The following CHD6 variants were observed in gnomAD, a reference collection of about 807,000 sequenced individuals.
CHD6 encodes ATP-dependent chromatin remodeler CHD6.
A neutral mutation model predicts 276.9 loss-of-function variants in CHD6; 50 were observed. The observed-to-expected ratio is 0.18, with a 90% CI of 0.14 to 0.23. The LOEUF (loss-of-function observed/expected upper bound fraction) is 0.23. CHD6 is among the 10% of genes least tolerant of loss of function. CHD6 has a pLI of 1.00. For missense variants in CHD6, 2,564 were observed against 3,365.8 expected (o/e 0.76, Z 5.89); for synonymous variants, 1,173 against 1,229.3 (o/e 0.95, Z 0.96).
intron 1 of CHD6, among the ~76,000 whole-genome samples, chr20:41,584,448 A>G (rs989721585): frequency 1.3e-5 from 2 of 152,190 alleles, no homozygotes; most frequent in Non-Finnish European, 2.9e-5. Context: ...TCTATCTAGA[A>G]GATACCAATA....
At chr20:41,584,194 G>A (rs1169542721) in intron 1 of CHD6, among the ~76,000 whole-genome samples, 2 of 151,900 alleles carry the variant, frequency 1.3e-5, no homozygotes, top group Admixed American at 1.3e-4. Flanking sequence ...AGCTAGAGAG[G>A]TTACATAAAT....
At chr20:41,461,005 CTGAA>C in intron 17 of CHD6, among the ~76,000 whole-genome samples, 1 of 152,336 alleles carries the variant, frequency 6.6e-6, no homozygotes, top group South Asian at 2.1e-4. Flanking sequence ...TCAGCATGAC[CTGAA>C]TGAGAGACCT....
Position 41,404,511 on chromosome 20 carries a change from T to C in CHD6, c.*82A>G, listed in dbSNP as rs1039534619. On this transcript the variant is annotated 3_prime_UTR_variant, in exon 37 of 37. Transcript: ENST00000373233. ...TTACTTATGGAAACACAGGTTCTTATGGAGGTGAAGTGAGGGAAGTAACAA... is the reference window on the plus strand; with the variant it reads ...TTACTTATGGAAACACAGGTTCTTACGGAGGTGAAGTGAGGGAAGTAACAA... The C allele has an allele frequency of 1.3e-5, 19 of 1,429,150 alleles. No individual in the cohort carries two copies. Among genetic ancestry groups the C allele is most frequent in the African/African-American group, 1.3e-4 (9 of 70,684 alleles). 88.5% of individuals were successfully genotyped at this position (1,429,150 alleles called of 1,614,324 possible).
chr20:41,440,163 T>C lies in CHD6; in HGVS notation c.3878-34A>G, dbSNP rs757388658. On this transcript the variant is annotated intron_variant, in intron 25 of 36. Coordinates refer to ENST00000373233, the MANE Select transcript of CHD6 (RefSeq NM_032221.5). ...GAGTGGTGAGAAATGCCAGAAGTCA[T>C]GTTAGAACTCACAATATTTGCTTTG... 8.9e-5 allele frequency: 143 copies of C among 1,599,062 alleles called. 2 individuals are homozygous for C. In the South Asian group the frequency reaches 1.2e-3, roughly 14 times the overall value.
In CHD6 at chr20:41,483,292, T is replaced by C; in HGVS notation, c.2468+17A>G. ...ACTGTCCCATTGTTGAATGCAGAGCTTTGACACAAGTCTCACCTTCTCTGG... is the reference window on the plus strand; with the variant it reads ...ACTGTCCCATTGTTGAATGCAGAGCCTTGACACAAGTCTCACCTTCTCTGG... On this transcript the variant is annotated intron_variant, in intron 16 of 36. Coordinates refer to ENST00000373233, the MANE Select transcript of CHD6 (RefSeq NM_032221.5). The C allele has an allele frequency of 6.3e-7, 1 of 1,596,342 alleles. No homozygotes were observed. The highest frequency in any genetic ancestry group is 8.5e-7 in the Non-Finnish European group (1 of 1,172,140).
intron 5 of CHD6, among the ~76,000 whole-genome samples, chr20:41,510,462 C>T (rs771327896): frequency 1.3e-5 from 2 of 152,238 alleles, no homozygotes; most frequent in African/African-American, 4.8e-5. Flanking sequence ...GCCAGCCCCA[C>T]ATGGTCGCTT....
chr20:41,425,295 C>T lies in CHD6; in HGVS notation c.4229G>A (p.Arg1410His), dbSNP rs764299402. The T allele has an allele frequency of 6.2e-6, 10 of 1,614,144 alleles. No individual in the cohort carries two copies. In the East Asian group the frequency reaches 6.7e-5, roughly 11 times the overall value. Reference sequence around the variant, plus strand: ...AATTTCAGGCCGGCACAGTTCCTTGCGGTTGCAGCGCTGGTAAACAGTGAC... The same window carrying T: ...AATTTCAGGCCGGCACAGTTCCTTGTGGTTGCAGCGCTGGTAAACAGTGAC... Reference protein sequence around the residue: ...RLVTVYQRCNRKELCRPEILG... With the variant: ...RLVTVYQRCNHKELCRPEILG... The change falls in exon 29 of 37, where the codon CGC (arginine) becomes CAC (histidine). Residue 1410 changes from arginine (R) to histidine (H), a missense_variant. This residue lies in a region of CHD6 where 515 missense variants were observed against 739.5 expected (regional missense o/e 0.70). Transcript: ENST00000373233.
At chr20:41,540,479 A>G (rs935878349) in intron 2 of CHD6, among the ~76,000 whole-genome samples, 1 of 152,256 alleles carries the variant, frequency 6.6e-6, no homozygotes, top group Admixed American at 6.5e-5. Context: ...TTCTATAATA[A>G]GCGGGAAAAA....
intron 23 of CHD6, among the ~76,000 whole-genome samples, chr20:41,450,621 T>C (rs1386145433): frequency 6.6e-6 from 1 of 152,110 alleles, no homozygotes; most frequent in Non-Finnish European, 1.5e-5. Context: ...AAGGCCACAA[T>C]GTTCTGCCCT....
chr20:41,531,628 T>C (rs2044687569), intron 3 of CHD6, among the ~76,000 whole-genome samples: 2 of 152,192 alleles, frequency 1.3e-5, no homozygotes, highest in Admixed American at 1.3e-4. Flanking sequence ...GCATTTTCTG[T>C]AACCTACATT....
chr20:41,472,176 G>C (rs1242817764), intron 17 of CHD6, among the ~76,000 whole-genome samples: 2 of 151,858 alleles, frequency 1.3e-5, no homozygotes, highest in Non-Finnish European at 2.9e-5. Flanking sequence ...GGCAGGCAGA[G>C]GTTGCAGTGA....
chr20:41,454,106 C>T (rs899211753), intron 20 of CHD6, among the ~76,000 whole-genome samples: 3 of 152,222 alleles, frequency 2.0e-5, no homozygotes, highest in Non-Finnish European at 4.4e-5. Context: ...GCCTGACCAC[C>T]TCCTCTTCTA....
Position 41,420,703 on chromosome 20 carries a change from C to G in CHD6, c.5932G>C (p.Glu1978Gln). The G allele has an allele frequency of 6.2e-7, 1 of 1,614,230 alleles. No homozygotes were observed. Among genetic ancestry groups the G allele is most frequent in the Non-Finnish European group, 8.5e-7 (1 of 1,180,036 alleles). Residue 1978 changes from glutamate (E) to glutamine (Q), a missense_variant, in exon 31 of 37, where the codon GAG becomes CAG. Glu to Gln is a conservative substitution (Grantham distance 29, BLOSUM62 2). This residue lies in a region of CHD6 where 1,024 missense variants were observed against 1,047.9 expected (regional missense o/e 0.98). Coordinates refer to ENST00000373233, the MANE Select transcript of CHD6 (RefSeq NM_032221.5). ...FKSKTNTIAMEGEPTAIPSQP... is the reference protein window; with the variant it reads ...FKSKTNTIAMQGEPTAIPSQP... ...GATGGAATAGCAGTGGGTTCACCCTCCATGGCGATAGTATTGGTTTTACTT... is the reference window on the plus strand; with the variant it reads ...GATGGAATAGCAGTGGGTTCACCCTGCATGGCGATAGTATTGGTTTTACTT...
rs2047194007 is a variant in CHD6, at chr20:41,421,564, A to C, written c.5071T>G (p.Ser1691Ala). 3.7e-6 allele frequency: 6 copies of C among 1,613,520 alleles called. No individual in the cohort carries two copies. Among genetic ancestry groups the C allele is most frequent in the Non-Finnish European group, 3.4e-6 (4 of 1,179,718 alleles). Residue 1691 changes from serine (S) to alanine (A), a missense_variant, in exon 31 of 37, where the codon TCC becomes GCC. By Grantham distance (99) the Ser-to-Ala change is moderately conservative. This residue lies in a region of CHD6 where 1,024 missense variants were observed against 1,047.9 expected (regional missense o/e 0.98). Transcript: ENST00000373233. Reference sequence around the variant, plus strand: ...AGCAGACTTTCATCATGGTTGATGGAAATGACATCCTGAACTTTAGAAATA... The same window carrying C: ...AGCAGACTTTCATCATGGTTGATGGCAATGACATCCTGAACTTTAGAAATA... ...NFISKVQDVI[S>A]INHDESLLPE...
chr20:41,519,631 G>C (rs993614058), intron 3 of CHD6, among the ~76,000 whole-genome samples: 1 of 152,148 alleles, frequency 6.6e-6, no homozygotes, highest in Non-Finnish European at 1.5e-5. Context: ...TATGTAGAAA[G>C]CTGAAACTGG....
intron 1 of CHD6, among the ~76,000 whole-genome samples, chr20:41,617,150 G>A (rs983347021): frequency 6.6e-6 from 1 of 152,136 alleles, no homozygotes; most frequent in Admixed American, 6.5e-5. Context: ...CAGCAGAAAC[G>A]AGGAGTTTTC....
chr20:41,493,099 G>A (rs1357750909), intron 10 of CHD6, among the ~76,000 whole-genome samples: 1 of 151,896 alleles, frequency 6.6e-6, no homozygotes, highest in Non-Finnish European at 1.5e-5. Context: ...GGAGTCACAG[G>A]GATCTGCAGA....
At chr20:41,515,397 G>C (rs2044225784) in intron 3 of CHD6, among the ~76,000 whole-genome samples, 1 of 152,100 alleles carries the variant, frequency 6.6e-6, no homozygotes, top group South Asian at 2.1e-4. Context: ...CAAAAATGAA[G>C]AGAACACTGC....
chr20:41,418,182 T>C (rs996618746), intron 31 of CHD6, among the ~76,000 whole-genome samples: 17 of 152,180 alleles, frequency 1.1e-4, no homozygotes, highest in African/African-American at 4.1e-4. Flanking sequence ...GCCAGACAGA[T>C]ACCGCCCAGG....
Sources: gnomAD v4.1 joint callset for allele counts (sites outside exome capture counted in the v4.1 genomes callset) on GRCh38, gnomAD v4.1.1 for gene constraint, gnomAD v4.1.1 regional missense constraint, MANE v1.5 for transcripts, NCBI Gene and HGNC (gene_info 2026-07-23, HGNC 2026-07-21) for gene names.